CDH12: variants seen among roughly 807,000 people sequenced by gnomAD.
The protein encoded by CDH12 is cadherin-12.
A neutral mutation model predicts 74.1 loss-of-function variants in CDH12; 41 were observed. The observed-to-expected ratio is 0.55, with a 90% CI of 0.43 to 0.72. The LOEUF (loss-of-function observed/expected upper bound fraction) is 0.72. Among genes scored for constraint, CDH12 ranks in the 30% least tolerant of loss-of-function variants. The pLI is 0.00. For missense variants in CDH12, 945 were observed against 977.2 expected (o/e 0.97, Z 0.44); for synonymous variants, 399 against 355.0 (o/e 1.12, Z -1.39).
chr5:22,652,070 A>G (rs1739774154), intron 1 of CDH12, among the ~76,000 whole-genome samples: 3 of 152,216 alleles, frequency 2.0e-5, no homozygotes, highest in Non-Finnish European at 2.9e-5. Context: ...GATAGAATTC[A>G]TACATATAGT....
intron 1 of CDH12, among the ~76,000 whole-genome samples, chr5:22,658,305 C>T (rs1740162014): frequency 6.6e-6 from 1 of 152,114 alleles, no homozygotes; most frequent in Admixed American, 6.6e-5. Context: ...CACAATTCTA[C>T]ACCTGTAAAT....
chr5:21,963,416 ACTC>A (rs1756448496), intron 6 of CDH12, among the ~76,000 whole-genome samples: 1 of 152,000 alleles, frequency 6.6e-6, no homozygotes, highest in Non-Finnish European at 1.5e-5. Context: ...CTTCCTCTAA[ACTC>A]GTTATTTTTA....
chr5:22,456,475 T>A (rs1745279648), intron 2 of CDH12, among the ~76,000 whole-genome samples: 1 of 152,148 alleles, frequency 6.6e-6, no homozygotes, highest in Admixed American at 6.5e-5. Context: ...CAGTTTTAGA[T>A]ATTCTACTAC....
At chr5:22,738,070 G>A (rs1406984617) in intron 1 of CDH12, among the ~76,000 whole-genome samples, 1 of 151,938 alleles carries the variant, frequency 6.6e-6, no homozygotes, top group Non-Finnish European at 1.5e-5. Flanking sequence ...GGCCAAGTGA[G>A]AGCCCAGTCA....
At chr5:22,452,468 G>A (rs1228270389) in intron 2 of CDH12, among the ~76,000 whole-genome samples, 1 of 151,744 alleles carries the variant, frequency 6.6e-6, no homozygotes, top group Non-Finnish European at 1.5e-5. Flanking sequence ...CACACAATGG[G>A]GACACAACAG....
chr5:22,505,708 G>A (rs1736361310), intron 1 of CDH12, among the ~76,000 whole-genome samples: 1 of 151,966 alleles, frequency 6.6e-6, no homozygotes, highest in Admixed American at 6.6e-5. Flanking sequence ...ACATTGCCTT[G>A]TCATTATGTC....
intron 3 of CDH12, among the ~76,000 whole-genome samples, chr5:22,368,247 C>T (rs1741116979): frequency 6.6e-6 from 1 of 151,714 alleles, no homozygotes; most frequent in Admixed American, 6.6e-5. Flanking sequence ...TAAAATAGCT[C>T]TTTGAGATAT....
At chr5:22,035,167 G>A (rs1319778292) in intron 5 of CDH12, among the ~76,000 whole-genome samples, 1 of 151,180 alleles carries the variant, frequency 6.6e-6, no homozygotes, top group Non-Finnish European at 1.5e-5. Context: ...TGATATTTCA[G>A]TCCCTGTCTT....
chr5:22,375,758 A>G (rs762999410), intron 3 of CDH12, among the ~76,000 whole-genome samples: 2 of 152,152 alleles, frequency 1.3e-5, no homozygotes, highest in Non-Finnish European at 2.9e-5. Flanking sequence ...ATTTTACACC[A>G]GTAAGAATGG....
chr5:22,785,190 C>A (rs962125690), intron 1 of CDH12, among the ~76,000 whole-genome samples: 1 of 152,078 alleles, frequency 6.6e-6, no homozygotes, highest in Non-Finnish European at 1.5e-5. Flanking sequence ...ATCAAGTAAC[C>A]TTTTTTCTTG....
intron 1 of CDH12, among the ~76,000 whole-genome samples, chr5:22,587,430 A>T (rs1019894498): frequency 3.3e-5 from 5 of 152,168 alleles, no homozygotes; most frequent in Admixed American, 1.3e-4. Context: ...ACAAGATGAG[A>T]GTGAGAAGAA....
chr5:21,870,032 T>A (rs1157463956), intron 6 of CDH12, among the ~76,000 whole-genome samples: 1 of 152,194 alleles, frequency 6.6e-6, no homozygotes, highest in African/African-American at 2.4e-5. Flanking sequence ...GTCCACGAGA[T>A]CTGATGGTTT....
intron 14 of CDH12, among the ~76,000 whole-genome samples, chr5:21,753,697 C>T (rs1243661756): frequency 6.6e-6 from 1 of 152,114 alleles, no homozygotes; most frequent in African/African-American, 2.4e-5. Flanking sequence ...TCAATATACA[C>T]TGCTGTATAC....
chr5:22,623,278 C>T (rs891466805), intron 1 of CDH12, among the ~76,000 whole-genome samples: 1 of 152,168 alleles, frequency 6.6e-6, no homozygotes, highest in Non-Finnish European at 1.5e-5. Flanking sequence ...GCTCTCTCAC[C>T]ACTCCTATTC....
At chr5:22,314,199 C>T (rs943493101) in intron 3 of CDH12, among the ~76,000 whole-genome samples, 1 of 151,954 alleles carries the variant, frequency 6.6e-6, no homozygotes, top group African/African-American at 2.4e-5. Flanking sequence ...CTAAGGAACC[C>T]GGATGTAACT....
chr5:22,470,741 A>G (rs1213821047), intron 2 of CDH12, among the ~76,000 whole-genome samples: 1 of 152,090 alleles, frequency 6.6e-6, no homozygotes, highest in African/African-American at 2.4e-5. Flanking sequence ...TATAAGGTAG[A>G]TGATAGTCAT....
intron 1 of CDH12, among the ~76,000 whole-genome samples, chr5:22,622,335 G>T (rs1738018739): frequency 6.6e-6 from 1 of 152,122 alleles, no homozygotes; most frequent in South Asian, 2.1e-4. Context: ...TGTCTTCAGA[G>T]AGAAGGCACT....
Position 22,046,430 on chromosome 5 carries a change from C to CTTT in CDH12, c.231+32013_231+32015dup, listed in dbSNP as rs11323330. The stretch of plus-strand genomic sequence containing the variant: ...GAGAAAGTCACTGGTCATTTAATTT[C>CTTT]TTTTTTTTTTTTTTTTTTTTTTGAG... On this transcript the variant is annotated intron_variant, in intron 5 of 14. Transcript: ENST00000382254. Among the ~76,000 whole-genome samples the CTTT allele has an allele frequency of 6.4e-3, 638 of 100,324 alleles. 43 individuals carry two copies. The highest frequency in any genetic ancestry group is 0.023 in the African/African-American group (532 of 23,380). 65.8% of individuals were successfully genotyped at this position (100,324 alleles called of 152,430 possible). A position where few individuals can be genotyped will look rare whatever the true frequency, so the allele number is the denominator to read the frequency against.
intron 3 of CDH12, among the ~76,000 whole-genome samples, chr5:22,278,352 T>C (rs1050691942): frequency 1.3e-5 from 2 of 152,182 alleles, no homozygotes; most frequent in Non-Finnish European, 2.9e-5. Flanking sequence ...CTGGCCTAAG[T>C]ACTGAGCCTC....
Sources: allele counts gnomAD v4.1 joint callset (sites outside exome capture counted in the v4.1 genomes callset), GRCh38; gene constraint gnomAD v4.1.1; transcripts MANE v1.5; gene names NCBI Gene and HGNC (gene_info 2026-07-23, HGNC 2026-07-21).